Variants in DSP observed in about 807,000 individuals in gnomAD.
DSP encodes desmoplakin.
In DSP, 114 loss-of-function variants were observed where a neutral mutation model predicts 290.6. The observed-to-expected ratio is 0.39, with a 90% confidence interval of 0.34 to 0.46. The LOEUF is 0.46. Ranked by LOEUF, DSP falls within the 20% of genes least tolerant of loss-of-function variation. The pLI, the probability that DSP is intolerant of heterozygous loss-of-function variation, is 0.99. For synonymous variants in DSP, 1,311 were observed against 1,316.4 expected, an observed-to-expected ratio of 1.00 and a Z score of 0.09; for missense variants, 3,230 against 3,495.8, an observed-to-expected ratio of 0.92 and a Z score of 1.92.
chr6:7,565,729 C>T lies in DSP; in HGVS notation c.939+209C>T, dbSNP rs1292823859. On this transcript the variant is annotated intron_variant, in intron 7 of 23. Coordinates refer to ENST00000379802, the MANE Select transcript of DSP (RefSeq NM_004415.4). This position sits in a 1 kb window ranked among gnomAD's most constrained non-coding sequence, Gnocchi z 4.2. ...AGCAAACTTATGCGGGAACAGAAAA[C>T]CAAATACCACATGTTCTCACTTAGG... 6 of 598,664 alleles carry T rather than the reference C, an allele frequency of 1.0e-5. No individual in the cohort carries two copies. Among genetic ancestry groups the T allele is most frequent in the Non-Finnish European group, 1.2e-5 (4 of 341,018 alleles). The allele number at this position is 598,664 out of a possible 1,614,324, so 37.1% of individuals were successfully genotyped here. A position where few individuals can be genotyped will look rare whatever the true frequency, so the allele number is the denominator to read the frequency against.
At position 7,565,613 on chromosome 6, in the gene DSP, T is replaced by A; in HGVS notation, c.939+93T>A. 6.6e-7 allele frequency: 1 copy of A among 1,504,796 alleles called. No homozygotes were observed. The highest frequency in any genetic ancestry group is 9.2e-7 in the Non-Finnish European group (1 of 1,090,286). 93.2% of individuals were successfully genotyped at this position (1,504,796 alleles called of 1,614,324 possible). ...GGGAATGATTGGTCTATTAATAATT[T>A]AATCAGCCACTTGCAATTCAGCCTT... On this transcript the variant is annotated intron_variant, in intron 7 of 23. Transcript: ENST00000379802. This position sits in a 1 kb window ranked among gnomAD's most constrained non-coding sequence, Gnocchi z 4.2.
chr6:7,568,317 C>A, intron 10 of DSP, 120 bp from the exon 11 acceptor site: 1 of 1,123,160 alleles, frequency 8.9e-7, no homozygotes. Context: ...TGATTTTTTA[C>A]AATTGATGCA....
intron 6 of DSP, among the ~76,000 whole-genome samples, chr6:7,564,557 A>G (rs1758800534): frequency 6.6e-6 from 1 of 152,244 alleles, no homozygotes; most frequent in African/African-American, 2.4e-5. Context: ...AAAACTAATT[A>G]TTGATGGGTA....
intron 1 of DSP, among the ~76,000 whole-genome samples, chr6:7,543,393 CTTTTT>C (rs397886749): frequency 6.2e-5 from 5 of 80,024 alleles, no homozygotes; most frequent in East Asian, 3.7e-4. Flanking sequence ...TCTATTTTCG[CTTTTT>C]TTTTTTTTTT....
Position 7,586,159 on chromosome 6 carries a change from CTG to C in DSP, c.*285_*286del, listed in dbSNP as rs1011321738. 5 of 336,398 alleles carry C rather than the reference CTG, an allele frequency of 1.5e-5. No individual in the cohort carries two copies. Among genetic ancestry groups the C allele is most frequent in the Admixed American group, 9.0e-5 (2 of 22,116 alleles). 20.8% of individuals were successfully genotyped at this position (336,398 alleles called of 1,614,324 possible). On this transcript the variant is annotated 3_prime_UTR_variant, in exon 24 of 24. Transcript: ENST00000379802. ...GAACTTAGGATTTGTTTCTTCTCTTCTGTGTTTCGATTTTTGATCAATTCTTT... is the reference window on the plus strand; with the variant it reads ...GAACTTAGGATTTGTTTCTTCTCTTCTGTTTCGATTTTTGATCAATTCTTT...
In DSP at chr6:7,565,390, G is replaced by A. The variant is rs1203795810; in HGVS notation, c.809G>A (p.Arg270Gln). Residue 270 changes from arginine (R) to glutamine (Q), a missense_variant, in exon 7 of 24, where the codon CGA becomes CAA. Arg to Gln is a conservative substitution (Grantham distance 43, BLOSUM62 1). Around this residue, in one of 5 missense-constraint regions of DSP, gnomAD observed 646 missense variants for 684.3 expected, o/e 0.94. Transcript: ENST00000379802. This position sits in a 1 kb window ranked among gnomAD's most constrained non-coding sequence, Gnocchi z 4.2. ...KASFERMDHL[R>Q]QLQNIIQATS... is the part of the protein sequence containing the mutation. ...TCCTTTGAGAGGATGGATCACCTGCGACAGCTGCAGAACATCATTCAGGCC... is the reference window on the plus strand; with the variant it reads ...TCCTTTGAGAGGATGGATCACCTGCAACAGCTGCAGAACATCATTCAGGCC... The A allele has an allele frequency of 1.4e-5, 23 of 1,613,936 alleles. No individual in the cohort carries two copies. The highest frequency in any genetic ancestry group is 1.1e-4 in the East Asian group (5 of 44,882).
At chr6:7,542,457 A>G (rs1025819367) in intron 1 of DSP, among the ~76,000 whole-genome samples, 3 of 151,678 alleles carry the variant, frequency 2.0e-5, no homozygotes, top group African/African-American at 7.3e-5. Context: ...ACAAAACCCA[A>G]CCTCTCCAAC....
rs1320923132 is a variant in DSP, at chr6:7,585,054, A to G, written c.7792A>G (p.Ser2598Gly). 1 of 1,614,112 alleles carries G rather than the reference A, an allele frequency of 6.2e-7. No individual in the cohort carries two copies. The highest frequency in any genetic ancestry group is 8.5e-7 in the Non-Finnish European group (1 of 1,180,052). ...ESVSKISTIS[S>G]VRNLTIRSSS... ...AGTAAGTAAGATTTCCACCATATCC[A>G]GCGTCAGGAATTTAACCATAAGGAG... Residue 2598 changes from serine (S) to glycine (G), a missense_variant, in exon 24 of 24, where the codon AGC (serine) becomes GGC (glycine). Coordinates refer to ENST00000379802, the MANE Select transcript of DSP (RefSeq NM_004415.4).
chr6:7,542,157 C>T (rs1758006818), intron 1 of DSP, 72 bp downstream of exon 1: 1 of 1,525,542 alleles, frequency 6.6e-7, no homozygotes, highest in Non-Finnish European at 8.9e-7. Context: ...CTCTGGACGA[C>T]TGGGAGACTC....
chr6:7,571,561 C>G lies in DSP; in HGVS notation c.1880C>G (p.Pro627Arg). 2 of 1,614,206 alleles carry G rather than the reference C, an allele frequency of 1.2e-6. No individual in the cohort carries two copies. The highest frequency in any genetic ancestry group is 1.7e-6 in the Non-Finnish European group (2 of 1,180,030). ...KHYQTLVIQL[P>R]GYPQHQTVTT... ...TACCAGACCCTGGTCATTCAGCTCC[C>G]TGGCTATCCCCAGCACCAGACAGGT... The change falls in exon 14 of 24, where the codon CCT (proline) becomes CGT (arginine). Residue 627 changes from proline to arginine, a missense_variant. Around this residue, in one of 5 missense-constraint regions of DSP, gnomAD observed 81 missense variants for 130.5 expected, o/e 0.62. Transcript: ENST00000379802.
At chr6:7,577,673 G>A in intron 20 of DSP, 106 bp from the exon 21 acceptor site, 1 of 928,214 alleles carries the variant, frequency 1.1e-6, no homozygotes, top group Non-Finnish European at 1.8e-6. Flanking sequence ...TTTGGAGTGG[G>A]CAATTAGACG....
intron 1 of DSP, among the ~76,000 whole-genome samples, chr6:7,544,449 G>A (rs375782624): frequency 2.0e-5 from 3 of 151,214 alleles, no homozygotes; most frequent in East Asian, 3.9e-4. Context: ...TGACCCGAAG[G>A]TTTTCTAAAT....
rs74844867 is a variant in DSP, at chr6:7,557,104, A to C, written c.274-1012A>C. 5.4e-3 allele frequency among the ~76,000 whole-genome samples: 826 copies of C among 152,388 alleles called. 10 individuals are homozygous for C. The highest frequency in any genetic ancestry group is 0.019 in the African/African-American group (781 of 41,596). On this transcript the variant is annotated intron_variant, in intron 2 of 23. Coordinates refer to ENST00000379802, the MANE Select transcript of DSP (RefSeq NM_004415.4). ...AGAGAAAAGAGGTTCATTTGACTAA[A>C]GCCAAGTAAAAGCAGCAAATATAAA... is the stretch of plus-strand genomic sequence containing the variant.
In DSP at chr6:7,571,916, G is replaced by A. The variant is rs1322197317; in HGVS notation, c.1978G>A (p.Glu660Lys). ...NHNKVIETNR[E>K]NDKQETWMLM... ...TAATAAAGTAATTGAAACCAACAGAGAAAATGACAAGCAAGAAACATGGAT... is the reference window on the plus strand; with the variant it reads ...TAATAAAGTAATTGAAACCAACAGAAAAAATGACAAGCAAGAAACATGGAT... The change falls in exon 15 of 24, where the codon GAA (glutamate) becomes AAA (lysine). Residue 660 changes from glutamate (E) to lysine (K), a missense_variant. This residue lies in a region of DSP where 1,714 missense variants were observed against 1,844.5 expected (regional missense o/e 0.93). Coordinates refer to ENST00000379802, the MANE Select transcript of DSP (RefSeq NM_004415.4). 1 of 1,614,098 alleles carries A rather than the reference G, an allele frequency of 6.2e-7. No individual in the cohort carries two copies. The highest frequency in any genetic ancestry group is 8.5e-7 in the Non-Finnish European group (1 of 1,180,016).
rs1049574537 is a variant in DSP, at chr6:7,582,053, C to G, written c.5379+484C>G. On this transcript the variant is annotated intron_variant, in intron 23 of 23. Transcript: ENST00000379802. This position sits in a 1 kb window ranked among gnomAD's most constrained non-coding sequence, Gnocchi z 4.2. ...TTTGATCATGGCCCTAGTGTGTTTC[C>G]TTTTGTTTGACTTTCCTTCTCCTAA... 2.0e-5 allele frequency among the ~76,000 whole-genome samples: 3 copies of G among 151,474 alleles called. No individual in the cohort carries two copies. Among genetic ancestry groups the G allele is most frequent in the African/African-American group, 7.3e-5 (3 of 41,206 alleles).
rs1758736519 is a variant in DSP at position 7,562,705 on chromosome 6, C to T, written c.651C>T (p.His217=). 1.9e-6 allele frequency: 3 copies of T among 1,614,040 alleles called. No individual in the cohort carries two copies. Among genetic ancestry groups the T allele is most frequent in the South Asian group, 2.2e-5 (2 of 91,086 alleles). Residue 217 remains histidine (H), a synonymous_variant, in exon 5 of 24, where the codon CAC becomes CAT. Coordinates refer to ENST00000379802, the MANE Select transcript of DSP (RefSeq NM_004415.4). ...WGVDLASVEQ[H]INSHRGIHNS... ...TGGACCTGGCCTCAGTGGAGCAGCA[C>T]ATTAACAGCCACCGGGGCATCCACA...
chr6:7,556,147 C>T (rs1758501111), intron 2 of DSP, among the ~76,000 whole-genome samples: 1 of 152,112 alleles, frequency 6.6e-6, no homozygotes, highest in Non-Finnish European at 1.5e-5. Context: ...TGCAACCTGG[C>T]ATGTTTCTGT....
intron 1 of DSP, among the ~76,000 whole-genome samples, chr6:7,543,187 C>T (rs1208440987): frequency 6.6e-6 from 1 of 151,920 alleles, no homozygotes; most frequent in African/African-American, 2.4e-5. Flanking sequence ...GTTGTTCCCA[C>T]GTCGGGCTTT....
intron 4 of DSP, 171 bp from the exon 5 acceptor site, chr6:7,562,481 G>C (rs1447355086): frequency 5.6e-6 from 6 of 1,081,008 alleles, no homozygotes; most frequent in African/African-American, 1.6e-5. Context: ...GGAAGTATTT[G>C]GCAACCCTGC....
Sources: allele counts gnomAD v4.1 joint callset (sites outside exome capture counted in the v4.1 genomes callset), GRCh38; gene constraint gnomAD v4.1.1; regional missense constraint gnomAD v4.1.1; non-coding constraint Gnocchi (gnomAD v3.1); transcripts MANE v1.5; gene names NCBI Gene and HGNC (gene_info 2026-07-23, HGNC 2026-07-21).